The following MTREX variants were observed in gnomAD, a reference collection of about 807,000 sequenced individuals.
The protein encoded by MTREX is Mtr4 exosome RNA helicase, also known as exosome RNA helicase MTR4.
A neutral mutation model predicts 135.4 loss-of-function variants in MTREX; 76 were observed. The ratio of observed to expected loss-of-function variants is 0.56; its 90% CI spans 0.47 to 0.68. MTREX has a LOEUF of 0.68. Among genes scored for constraint, MTREX ranks in the 30% least tolerant of loss-of-function variants. The pLI is 0.00. For synonymous variants in MTREX, 404 were observed against 401.6 expected (o/e 1.01, Z -0.07); for missense variants, 920 against 1,262.1 (o/e 0.73, Z 4.11).
At chr5:55,326,242 C>A (rs924122967) in intron 3 of MTREX, among the ~76,000 whole-genome samples, 15 of 151,258 alleles carry the variant, frequency 9.9e-5, no homozygotes, top group Middle Eastern at 3.4e-3. Context: ...ACTAAAAATA[C>A]AAAAAAAATT....
At chr5:55,330,356 A>G (rs1168719979) in intron 5 of MTREX, among the ~76,000 whole-genome samples, 1 of 152,032 alleles carries the variant, frequency 6.6e-6, no homozygotes, top group East Asian at 1.9e-4. Context: ...GCTTATAGGC[A>G]TGAACTGAAT....
chr5:55,332,186 A>G (rs1057070091), intron 5 of MTREX, among the ~76,000 whole-genome samples: 2 of 152,182 alleles, frequency 1.3e-5, no homozygotes, highest in African/African-American at 4.8e-5. Flanking sequence ...TCACCAGGTG[A>G]TGAATACTAA....
intron 18 of MTREX, among the ~76,000 whole-genome samples, chr5:55,383,428 A>G (rs970549369): frequency 6.6e-6 from 1 of 152,116 alleles, no homozygotes; most frequent in Non-Finnish European, 1.5e-5. Context: ...TTTGAAAGGT[A>G]ACTTTGCTGG....
chr5:55,419,980 A>G (rs945762208), intron 25 of MTREX, among the ~76,000 whole-genome samples: 10 of 152,220 alleles, frequency 6.6e-5, no homozygotes, highest in African/African-American at 2.4e-4. Flanking sequence ...TCTTGCTGAT[A>G]ATAATAGAGT....
chr5:55,340,216 G>A lies in MTREX; in HGVS notation c.690+32G>A, dbSNP rs550368581. 70 of 1,457,236 alleles carry A rather than the reference G, an allele frequency of 4.8e-5. No individual in the cohort carries two copies. In the South Asian group the frequency reaches 8.0e-4, roughly 17 times the overall value. 90.3% of individuals were successfully genotyped at this position (1,457,236 alleles called of 1,614,324 possible). The stretch of plus-strand genomic sequence containing the variant: ...CATGTAGTGCCTCATCTGACTTTTC[G>A]TTTTTAATTAAATTAATGTGACTAT... On this transcript the variant is annotated intron_variant, in intron 6 of 26. Transcript: ENST00000230640.
chr5:55,398,040 A>C (rs1315769763), intron 20 of MTREX, among the ~76,000 whole-genome samples: 1 of 152,128 alleles, frequency 6.6e-6, no homozygotes, highest in African/African-American at 2.4e-5. Flanking sequence ...TGGGCAACAT[A>C]GTGAGACCCC....
intron 16 of MTREX, 96 bp from the exon 17 acceptor site, chr5:55,378,218 C>T: frequency 7.3e-7 from 1 of 1,376,356 alleles, no homozygotes; most frequent in South Asian, 1.6e-5. Flanking sequence ...ACCGCAACTA[C>T]ACTTGCACCA....
At position 55,425,397 on chromosome 5, in the gene MTREX, G is replaced by C; in HGVS notation, c.*625G>C. The C allele has an allele frequency of 7.1e-7, 1 of 1,398,940 alleles. No individual in the cohort carries two copies. The highest frequency in any genetic ancestry group is 9.8e-7 in the Non-Finnish European group (1 of 1,016,088). 86.7% of individuals were successfully genotyped at this position (1,398,940 alleles called of 1,614,324 possible). A position where few individuals can be genotyped will look rare whatever the true frequency, so the allele number is the denominator to read the frequency against. ...AGTTAAAAACTACATACAAAGTTGT[G>C]ATCAACAGCATCCTAAGATAAATAT... is the stretch of plus-strand genomic sequence containing the variant. On this transcript the variant is annotated 3_prime_UTR_variant, in exon 27 of 27. Transcript: ENST00000230640.
chr5:55,320,304 A>G (rs572738493), intron 1 of MTREX, among the ~76,000 whole-genome samples: 3 of 144,594 alleles, frequency 2.1e-5, no homozygotes, highest in South Asian at 2.2e-4. Flanking sequence ...TGCAGGCTCC[A>G]CCTCCCGGGT....
chr5:55,342,917 C>T (rs1351669980), intron 7 of MTREX, among the ~76,000 whole-genome samples: 1 of 152,182 alleles, frequency 6.6e-6, no homozygotes, highest in Non-Finnish European at 1.5e-5. Flanking sequence ...TCCAGAGGAT[C>T]ACAAGGATAA....
intron 26 of MTREX, 140 bp downstream of exon 26, chr5:55,423,122 A>G (rs928646338): frequency 3.1e-6 from 2 of 636,944 alleles, no homozygotes; most frequent in Admixed American, 3.0e-5. Context: ...TAGTGTTTCT[A>G]TAAAATTTAG....
Position 55,378,296 on chromosome 5 carries a change from C to T in MTREX, c.1811-18C>T, listed in dbSNP as rs778480110. 1 of 1,562,620 alleles carries T rather than the reference C, an allele frequency of 6.4e-7. No homozygotes were observed. The highest frequency in any genetic ancestry group is 8.6e-7 in the Non-Finnish European group (1 of 1,162,032). ...AGATGTATAACCTTTTAATTTTGTA[C>T]ATGTGTTCTATTTACAGAGGTAAAG... On this transcript the variant is annotated intron_variant, in intron 16 of 26. Coordinates refer to ENST00000230640, the MANE Select transcript of MTREX (RefSeq NM_015360.5).
chr5:55,416,247 T>C, intron 25 of MTREX, 115 bp downstream of exon 25: 1 of 631,866 alleles, frequency 1.6e-6, no homozygotes, highest in Non-Finnish European at 2.6e-6. Flanking sequence ...CTAAATGAAA[T>C]CTTCTCCCTA....
At chr5:55,343,597 G>T (rs1749686471) in intron 8 of MTREX, 142 bp downstream of exon 8, 2 of 704,880 alleles carry the variant, frequency 2.8e-6, no homozygotes, top group South Asian at 4.6e-5. Flanking sequence ...CTCAAATCAA[G>T]CAGCTTATCA....
At chr5:55,338,544 A>G (rs1749589627) in intron 5 of MTREX, among the ~76,000 whole-genome samples, 2 of 151,414 alleles carry the variant, frequency 1.3e-5, no homozygotes, top group Admixed American at 1.3e-4. Context: ...TTTTAAACAA[A>G]TGAAGTTTTT....
chr5:55,384,970 A>G (rs1169542207), intron 18 of MTREX, among the ~76,000 whole-genome samples: 1 of 152,194 alleles, frequency 6.6e-6, no homozygotes, highest in East Asian at 1.9e-4. Flanking sequence ...TCCAATGAAT[A>G]CAGATCTACC....
At chr5:55,412,177 TC>T (rs1286970477) in intron 23 of MTREX, among the ~76,000 whole-genome samples, 1 of 152,194 alleles carries the variant, frequency 6.6e-6, no homozygotes, top group Non-Finnish European at 1.5e-5. Flanking sequence ...GTACTGATTG[TC>T]ATGTGGATTT....
At chr5:55,412,739 G>C (rs563166193) in intron 23 of MTREX, among the ~76,000 whole-genome samples, 1 of 152,198 alleles carries the variant, frequency 6.6e-6, no homozygotes, top group African/African-American at 2.4e-5. Flanking sequence ...ATCAGGACTG[G>C]TGCCTTCCAC....
chr5:55,390,146 A>C (rs544289071), intron 19 of MTREX, among the ~76,000 whole-genome samples: 1 of 152,122 alleles, frequency 6.6e-6, no homozygotes, highest in African/African-American at 2.4e-5. Context: ...CTCTGTCACC[A>C]GGCTGGAGTA....
Sources: gnomAD v4.1 joint callset for allele counts (sites outside exome capture counted in the v4.1 genomes callset) on GRCh38, gnomAD v4.1.1 for gene constraint, MANE v1.5 for transcripts, NCBI Gene and HGNC (gene_info 2026-07-23, HGNC 2026-07-21) for gene names.